The following RORB variants were observed in gnomAD, a reference collection of about 807,000 sequenced individuals.
RORB encodes nuclear receptor ROR-beta.
Under a neutral mutation model 59.1 loss-of-function variants are expected in RORB, and 6 were observed. That is an observed-to-expected ratio of 0.10 (90% confidence interval 0.06 to 0.20). The LOEUF is 0.20. Among genes scored for constraint, RORB ranks in the 10% least tolerant of loss-of-function variants. RORB has a pLI of 1.00. For synonymous variants in RORB, 215 were observed against 204.5 expected, an observed-to-expected ratio of 1.05 and a Z score of -0.44; for missense variants, 320 against 560.5, an observed-to-expected ratio of 0.57 and a Z score of 4.33.
chr9:74,567,423 T>C (rs1414781460), intron 1 of RORB, among the ~76,000 whole-genome samples: 2 of 152,178 alleles, frequency 1.3e-5, no homozygotes, highest in Non-Finnish European at 2.9e-5. Flanking sequence ...CAACATTGAA[T>C]TGAACCTTCA....
At chr9:74,638,635 A>C (rs537935742) in intron 3 of RORB, among the ~76,000 whole-genome samples, 40 of 152,368 alleles carry the variant, frequency 2.6e-4, no homozygotes, top group Middle Eastern at 6.8e-3. Context: ...TGAAATATTA[A>C]CATGGCCTTT....
Position 74,685,508 on chromosome 9 carries a change from G to T in RORB, c.1270G>T (p.Gly424Trp). ...PTITAVCNLH[G>W]EKLQVFKQSH... ...CATCACGGCAGTTTGCAACTTGCACGGGGAGAAGCTGCAGGTATTTAAGCA... is the reference window on the plus strand; with the variant it reads ...CATCACGGCAGTTTGCAACTTGCACTGGGAGAAGCTGCAGGTATTTAAGCA... Residue 424 changes from glycine to tryptophan, a missense_variant, in exon 10 of 10, where the codon GGG becomes TGG. Around this residue, in one of 4 missense-constraint regions of RORB, gnomAD observed 109 missense variants for 171.0 expected, o/e 0.64. Coordinates refer to ENST00000376896, the MANE Select transcript of RORB (RefSeq NM_006914.4). 6.2e-7 allele frequency: 1 copy of T among 1,613,156 alleles called. No individual in the cohort carries two copies. Among genetic ancestry groups the T allele is most frequent in the Non-Finnish European group, 8.5e-7 (1 of 1,179,358 alleles).
chr9:74,685,130 T>G (rs202212895), intron 9 of RORB, among the ~76,000 whole-genome samples: 1 of 152,238 alleles, frequency 6.6e-6, no homozygotes, highest in East Asian at 1.9e-4. Context: ...CTAAGCTCTT[T>G]TGGAACTCAG....
intron 4 of RORB, among the ~76,000 whole-genome samples, chr9:74,658,433 AT>A (rs1214222061): frequency 5.3e-5 from 8 of 152,204 alleles, no homozygotes; most frequent in African/African-American, 1.7e-4. Flanking sequence ...AGACTCCTAA[AT>A]TTTGATATCA....
At position 74,686,438 on chromosome 9, in the gene RORB, C is replaced by T. The variant is rs1392266523; in HGVS notation, c.*820C>T. 1.3e-5 allele frequency: 2 copies of T among 152,414 alleles called. No homozygotes were observed. The highest frequency in any genetic ancestry group is 1.9e-4 in the East Asian group (1 of 5,192). The allele number at this position is 152,414 out of a possible 1,614,324, so 9.4% of individuals were successfully genotyped here. A position where few individuals can be genotyped will look rare whatever the true frequency, so the allele number is the denominator to read the frequency against. On this transcript the variant is annotated 3_prime_UTR_variant, in exon 10 of 10. Coordinates refer to ENST00000376896, the MANE Select transcript of RORB (RefSeq NM_006914.4). ...AGGAGACAGTATTTTAAGCCATTTT[C>T]CTGTTTCAAGAATTAGGCCACAGAT...
At chr9:74,640,790 C>T (rs1183093121) in intron 3 of RORB, among the ~76,000 whole-genome samples, 3 of 152,218 alleles carry the variant, frequency 2.0e-5, no homozygotes, top group Non-Finnish European at 2.9e-5. Context: ...TTAGGAATTA[C>T]GGTCTCCATT....
intron 4 of RORB, among the ~76,000 whole-genome samples, chr9:74,653,853 G>A (rs981468606): frequency 6.6e-6 from 1 of 152,108 alleles, no homozygotes; most frequent in African/African-American, 2.4e-5. Flanking sequence ...AAAAAAACCC[G>A]CTGAGTGGTT....
At chr9:74,675,672 T>G (rs1824425729) in intron 9 of RORB, among the ~76,000 whole-genome samples, 1 of 152,210 alleles carries the variant, frequency 6.6e-6, no homozygotes, top group Non-Finnish European at 1.5e-5. Flanking sequence ...AGGACGATAC[T>G]CCAGCTTCAA....
At position 74,616,042 on chromosome 9, in the gene RORB, A is replaced by G. The variant is rs1290025448; in HGVS notation, c.8-14240A>G. ...AGTTTAAAAAAAATCTATTTGATTT[A>G]TATATATGATACCAGATGCTTTATC... On this transcript the variant is annotated intron_variant, in intron 1 of 9. Transcript: ENST00000376896. Among the ~76,000 whole-genome samples, 14 of 152,332 alleles carry G rather than the reference A, an allele frequency of 9.2e-5. No individual in the cohort carries two copies. In the East Asian group the frequency reaches 2.1e-3, roughly 23 times the overall value.
intron 9 of RORB, among the ~76,000 whole-genome samples, chr9:74,676,439 G>T (rs2118559133): frequency 6.6e-6 from 1 of 152,326 alleles, no homozygotes; most frequent in African/African-American, 2.4e-5. Context: ...AGCCCACTCA[G>T]CTCACCATAT....
At chr9:74,560,063 G>A (rs921324084) in intron 1 of RORB, among the ~76,000 whole-genome samples, 6 of 152,122 alleles carry the variant, frequency 3.9e-5, no homozygotes, top group Admixed American at 3.9e-4. Context: ...AAGCTATTCA[G>A]AAAATGCCAA....
chr9:74,566,894 T>C (rs968113758), intron 1 of RORB, among the ~76,000 whole-genome samples: 5 of 152,262 alleles, frequency 3.3e-5, no homozygotes, highest in Non-Finnish European at 4.4e-5. Context: ...TATTCAGCCA[T>C]ACTGACGTTG....
chr9:74,661,636 CTT>C (rs779927558), intron 5 of RORB, among the ~76,000 whole-genome samples: 2,081 of 79,152 alleles, frequency 0.026, 16 homozygotes, highest in East Asian at 0.24. Context: ...TTCTTTTTTC[CTT>C]TTTTTTTTTT....
chr9:74,537,427 G>A (rs1826336812), intron 1 of RORB, among the ~76,000 whole-genome samples: 3 of 151,628 alleles, frequency 2.0e-5, no homozygotes, highest in African/African-American at 7.3e-5. Context: ...AGCATCTCCT[G>A]AAACTTGAAA....
Position 74,686,473 on chromosome 9 carries a change from A to T in RORB, c.*855A>T, listed in dbSNP as rs1824647979. The T allele has an allele frequency of 6.6e-6, 1 of 152,254 alleles. No homozygotes were observed. The highest frequency in any genetic ancestry group is 6.5e-5 in the Admixed American group (1 of 15,282). The allele number at this position is 152,254 out of a possible 1,614,324, so 9.4% of individuals were successfully genotyped here. The stretch of plus-strand genomic sequence containing the variant: ...GAATTAGGCCACAGATAACATTGCA[A>T]GGTCCAAGACTTTTTTGACCAAACA... On this transcript the variant is annotated 3_prime_UTR_variant, in exon 10 of 10. Transcript: ENST00000376896.
intron 1 of RORB, among the ~76,000 whole-genome samples, chr9:74,579,364 T>A (rs778791652): frequency 6.6e-6 from 1 of 152,122 alleles, no homozygotes; most frequent in Non-Finnish European, 1.5e-5. Flanking sequence ...GTTTTATATT[T>A]CTTTCTTTTT....
intron 1 of RORB, among the ~76,000 whole-genome samples, chr9:74,590,101 A>T (rs920200697): frequency 6.6e-6 from 1 of 152,208 alleles, no homozygotes; most frequent in Admixed American, 6.5e-5. Context: ...GAAAGTATTT[A>T]AAATCCTGCT....
intron 1 of RORB, among the ~76,000 whole-genome samples, chr9:74,613,327 C>G (rs1035623890): frequency 3.9e-5 from 6 of 152,170 alleles, no homozygotes; most frequent in Non-Finnish European, 8.8e-5. Context: ...TGTGTTAACT[C>G]AAAGCCCAAG....
chr9:74,619,644 G>GT (rs1416521300), intron 1 of RORB, among the ~76,000 whole-genome samples: 2 of 152,062 alleles, frequency 1.3e-5, no homozygotes, highest in African/African-American at 2.4e-5. Flanking sequence ...TAGAGACAGG[G>GT]TTTCACCATG....
Sources: gnomAD v4.1 joint callset for allele counts (sites outside exome capture counted in the v4.1 genomes callset) on GRCh38, gnomAD v4.1.1 for gene constraint, gnomAD v4.1.1 regional missense constraint, MANE v1.5 for transcripts, NCBI Gene and HGNC (gene_info 2026-07-23, HGNC 2026-07-21) for gene names.